Variants in EPS15 observed in about 807,000 individuals in gnomAD.
EPS15 encodes the protein epidermal growth factor receptor pathway substrate 15, also known as epidermal growth factor receptor substrate 15.
EPS15 carries 72 observed loss-of-function variants against 113.8 expected under a neutral mutation model. That is an observed-to-expected ratio of 0.63 (90% CI 0.52 to 0.77). The LOEUF (loss-of-function observed/expected upper bound fraction) is 0.77, where lower values mean the gene tolerates loss of function less well. EPS15 is among the 30% of genes least tolerant of loss of function. EPS15 has a pLI of 0.00. For synonymous variants in EPS15, 344 were observed against 363.4 expected (o/e 0.95, Z 0.61); for missense variants, 1,048 against 1,045.8 (o/e 1.00, Z -0.03).
intron 21 of EPS15, among the ~76,000 whole-genome samples, chr1:51,371,523 GA>G (rs56992324): frequency 0.27 from 39,365 of 144,920 alleles, 6,767 homozygotes; most frequent in East Asian, 0.69. Flanking sequence ...AAAAAAAAAA[GA>G]AAAAAAAAAT....
At chr1:51,403,967 T>A (rs1412513354) in intron 16 of EPS15, among the ~76,000 whole-genome samples, 1 of 152,214 alleles carries the variant, frequency 6.6e-6, no homozygotes, top group Non-Finnish European at 1.5e-5. Context: ...AAAATGTGGA[T>A]GTGATCGTGA....
At position 51,403,548 on chromosome 1, in the gene EPS15, G is replaced by T. The variant is rs142898285; in HGVS notation, c.1678-16C>A. Reference sequence around the variant, plus strand: ...TACTTCTTGCCTACAAAATATTAATGCAAGTAGATTAACAATATACTTTTT... The same window carrying T: ...TACTTCTTGCCTACAAAATATTAATTCAAGTAGATTAACAATATACTTTTT... On this transcript the variant is annotated splice_polypyrimidine_tract_variant and intron_variant, in intron 16 of 24. Coordinates refer to ENST00000371733, the MANE Select transcript of EPS15 (RefSeq NM_001981.3). 549 of 1,383,126 alleles carry T rather than the reference G, an allele frequency of 4.0e-4. 4 individuals are homozygous for T. The African/African-American group carries it at 7.2e-3, about 18-fold the overall frequency. The allele number at this position is 1,383,126 out of a possible 1,614,324, so 85.7% of individuals were successfully genotyped here.
intron 13 of EPS15, among the ~76,000 whole-genome samples, chr1:51,414,229 T>G (rs1250313405): frequency 2.0e-5 from 3 of 151,852 alleles, no homozygotes; most frequent in African/African-American, 7.3e-5. Context: ...CTGGCCAACA[T>G]AGTAAAACCC....
chr1:51,484,369 C>G (rs542792400), intron 1 of EPS15, among the ~76,000 whole-genome samples: 1 of 152,118 alleles, frequency 6.6e-6, no homozygotes, highest in African/African-American at 2.4e-5. Context: ...TGAGACCAAT[C>G]TAGGCAACAC....
chr1:51,363,771 C>A (rs1455818797), intron 23 of EPS15, 95 bp downstream of exon 23: 2 of 1,169,952 alleles, frequency 1.7e-6, no homozygotes, highest in Admixed American at 2.7e-5. Flanking sequence ...TGACTTGTTT[C>A]ACTTAAAGCC....
At chr1:51,439,010 G>C (rs1026746360) in intron 12 of EPS15, among the ~76,000 whole-genome samples, 4 of 151,944 alleles carry the variant, frequency 2.6e-5, no homozygotes, top group Non-Finnish European at 5.9e-5. Flanking sequence ...CTGAATTTCA[G>C]GTCTTTTCCA....
intron 18 of EPS15, among the ~76,000 whole-genome samples, chr1:51,401,528 C>T (rs1557431346): frequency 6.6e-6 from 1 of 152,168 alleles, no homozygotes; most frequent in Non-Finnish European, 1.5e-5. Context: ...AACTCTTAGA[C>T]AAAGACAGCA....
At chr1:51,421,924 T>C (rs1650794499) in intron 12 of EPS15, 66 bp from the exon 13 acceptor site, 2 of 1,593,738 alleles carry the variant, frequency 1.3e-6, no homozygotes, top group Non-Finnish European at 1.7e-6. Context: ...TGGTTATCCA[T>C]CCTCCTAATC....
Position 51,421,855 on chromosome 1 carries a change from T to C in EPS15, c.1044A>G (p.Glu348=). The C allele has an allele frequency of 2.5e-6, 4 of 1,611,712 alleles. No homozygotes were observed. Among genetic ancestry groups the C allele is most frequent in the Non-Finnish European group, 3.4e-6 (4 of 1,178,528 alleles). The part of the protein sequence containing the change: ...LNNEIVDLQR[E]KNNVEQDLKE... Reference sequence around the variant, plus strand: ...TAAGGTCCTGTTCCACATTATTCTTTTCCCTAGAAGACCAGCAAACAATGC... The same window carrying C: ...TAAGGTCCTGTTCCACATTATTCTTCTCCCTAGAAGACCAGCAAACAATGC... The change falls in exon 13 of 25, where the codon GAA becomes GAG. Residue 348 remains glutamate (E), a synonymous_variant. Transcript: ENST00000371733.
At chr1:51,422,108 G>A in intron 12 of EPS15, 1 of 1,097,442 alleles carries the variant, frequency 9.1e-7, no homozygotes, top group South Asian at 2.9e-5. Flanking sequence ...AAAAGGAAGA[G>A]GAGAAAAATA....
chr1:51,438,915 C>A (rs112595985), intron 12 of EPS15, among the ~76,000 whole-genome samples: 2 of 151,844 alleles, frequency 1.3e-5, no homozygotes, highest in African/African-American at 4.8e-5. Context: ...TATACAATCA[C>A]CACGAAGTGT....
At chr1:51,474,113 T>G (rs1316004383) in intron 2 of EPS15, among the ~76,000 whole-genome samples, 2 of 152,256 alleles carry the variant, frequency 1.3e-5, no homozygotes, top group African/African-American at 4.8e-5. Context: ...AGAATTTTAC[T>G]ATCTTCCATT....
At chr1:51,387,986 G>A (rs1268951195) in intron 21 of EPS15, among the ~76,000 whole-genome samples, 2 of 152,158 alleles carry the variant, frequency 1.3e-5, no homozygotes, top group Non-Finnish European at 2.9e-5. Context: ...GACATCTACA[G>A]AACTCTCCAC....
At chr1:51,442,738 T>C (rs1652690243) in intron 11 of EPS15, among the ~76,000 whole-genome samples, 1 of 152,092 alleles carries the variant, frequency 6.6e-6, no homozygotes, top group East Asian at 1.9e-4. Context: ...TTTTGCTGAA[T>C]AAAAAACCTC....
At chr1:51,390,842 C>T (rs1299291596) in intron 21 of EPS15, among the ~76,000 whole-genome samples, 5 of 152,210 alleles carry the variant, frequency 3.3e-5, no homozygotes, top group South Asian at 2.1e-4. Context: ...TATGGAGAAA[C>T]AGGAACATTT....
rs940958693 is a variant in EPS15, at chr1:51,411,542, G to T, written c.1114-1846C>A. On this transcript the variant is annotated intron_variant, in intron 13 of 24. Coordinates refer to ENST00000371733, the MANE Select transcript of EPS15 (RefSeq NM_001981.3). ...TTAAGAGACTTGAAATTATAATATT[G>T]AAGGAGAAGAAATTTTAAATGAGGA... Among the ~76,000 whole-genome samples the T allele has an allele frequency of 2.0e-5, 3 of 152,154 alleles. No individual in the cohort carries two copies. In the East Asian group the frequency reaches 5.8e-4, roughly 29 times the overall value.
rs1284022519 is a variant in EPS15 at position 51,468,463 on chromosome 1, C to A, written c.309+10G>T. On this transcript the variant is annotated intron_variant, in intron 5 of 24. Transcript: ENST00000371733. ...ATTAAATACAATTTAAATCTAAAAGCATTTCTTACAAATCTTGGTGGAGGA... is the reference window on the plus strand; with the variant it reads ...ATTAAATACAATTTAAATCTAAAAGAATTTCTTACAAATCTTGGTGGAGGA... 1.9e-6 allele frequency: 3 copies of A among 1,547,958 alleles called. No individual in the cohort carries two copies. Among genetic ancestry groups the A allele is most frequent in the African/African-American group, 1.4e-5 (1 of 73,566 alleles).
intron 13 of EPS15, among the ~76,000 whole-genome samples, chr1:51,413,710 T>C (rs1040074616): frequency 2.6e-5 from 4 of 152,202 alleles, no homozygotes; most frequent in African/African-American, 9.7e-5. Context: ...CTTTCATTAT[T>C]TGGAAATAAT....
chr1:51,399,036 GT>G lies in EPS15; in HGVS notation c.2047del (p.Thr683HisfsTer3). The G allele has an allele frequency of 1.2e-6, 2 of 1,612,664 alleles. No homozygotes were observed. Among genetic ancestry groups the G allele is most frequent in the Non-Finnish European group, 1.7e-6 (2 of 1,179,362 alleles). On this transcript the variant is annotated frameshift_variant, in exon 20 of 25. Transcript: ENST00000371733. LOFTEE classifies it high-confidence loss of function. ...GTTTTTAATTCTCCCACTTACCGAT[GT>G]AATACTGCTATTGTTGGCTGCACTG... ...PFSAANNSSI[T>X]SVETLKHNDP...
Sources: allele counts gnomAD v4.1 joint callset (sites outside exome capture counted in the v4.1 genomes callset), GRCh38; gene constraint gnomAD v4.1.1; transcripts MANE v1.5; gene names NCBI Gene and HGNC (gene_info 2026-07-23, HGNC 2026-07-21).